Variants in VPS13D observed in about 807,000 individuals in gnomAD.
The protein encoded by VPS13D is vacuolar protein sorting 13 homolog D.
A neutral mutation model predicts 461.9 loss-of-function variants in VPS13D; 187 were observed. That is an observed-to-expected ratio of 0.40 (90% CI 0.36 to 0.46). The LOEUF (loss-of-function observed/expected upper bound fraction) is 0.46, where lower values mean the gene tolerates loss of function less well. Ranked by LOEUF, VPS13D falls within the 20% of genes least tolerant of loss-of-function variation. The pLI is 0.60. For synonymous variants in VPS13D, 1,951 were observed against 1,986.3 expected (o/e 0.98, Z 0.47); for missense variants, 4,711 against 5,364.9 (o/e 0.88, Z 3.81).
rs542947274 is a variant in VPS13D at position 12,232,891 on chromosome 1, G to A, written c.-76-1300G>A. On this transcript the variant is annotated intron_variant, in intron 1 of 69. Coordinates refer to ENST00000620676, the MANE Select transcript of VPS13D (RefSeq NM_015378.4). ...CTCTCCCATGTATATTATTTTATAA[G>A]TGATCCTCATGAACAAATTTGAGAC... Among the ~76,000 whole-genome samples, 6 of 151,978 alleles carry A rather than the reference G, an allele frequency of 3.9e-5. No individual in the cohort carries two copies. The East Asian group carries it at 9.7e-4, about 24-fold the overall frequency.
intron 6 of VPS13D, among the ~76,000 whole-genome samples, chr1:12,252,412 G>A (rs1338816718): frequency 6.6e-6 from 1 of 152,120 alleles, no homozygotes; most frequent in African/African-American, 2.4e-5. Flanking sequence ...CAGGCCTTTT[G>A]TACGGTCACC....
intron 3 of VPS13D, 111 bp downstream of exon 3, chr1:12,242,701 G>C: frequency 2.3e-6 from 2 of 882,186 alleles, no homozygotes; most frequent in Non-Finnish European, 3.6e-6. Flanking sequence ...GAAGGATATA[G>C]CAAATGTTAG....
At chr1:12,373,453 C>G (rs962701492) in intron 54 of VPS13D, among the ~76,000 whole-genome samples, 10 of 151,352 alleles carry the variant, frequency 6.6e-5, no homozygotes, top group Admixed American at 4.0e-4. Context: ...GTGGGGGGGC[C>G]TCTAAAGATA....
At chr1:12,370,973 T>A (rs1644107096) in intron 54 of VPS13D, among the ~76,000 whole-genome samples, 1 of 152,174 alleles carries the variant, frequency 6.6e-6, no homozygotes. Context: ...GGTTGAACCA[T>A]CTTTTGGAGT....
intron 17 of VPS13D, 90 bp from the exon 18 acceptor site, chr1:12,272,913 C>T: frequency 2.0e-6 from 3 of 1,530,822 alleles, no homozygotes; most frequent in Non-Finnish European, 2.6e-6. Flanking sequence ...ACTCCATAAT[C>T]CTAGCTGCAG....
chr1:12,355,807 GTT>G, intron 47 of VPS13D, 90 bp from the exon 48 acceptor site: 1 of 1,330,418 alleles, frequency 7.5e-7, no homozygotes, highest in Middle Eastern at 2.7e-4. Flanking sequence ...TTAGTTATTG[GTT>G]TTTCCAAAAG....
At chr1:12,294,429 A>G (rs186903202) in intron 24 of VPS13D, among the ~76,000 whole-genome samples, 1 of 152,352 alleles carries the variant, frequency 6.6e-6, no homozygotes, top group African/African-American at 2.4e-5. Context: ...TACTGAAAGG[A>G]GTATAGAATG....
At chr1:12,424,052 T>C (rs957669659) in intron 65 of VPS13D, among the ~76,000 whole-genome samples, 1 of 152,212 alleles carries the variant, frequency 6.6e-6, no homozygotes, top group Non-Finnish European at 1.5e-5. Context: ...CATAATAGCT[T>C]TTCCATGTAC....
At chr1:12,438,920 C>T (rs557488902) in intron 65 of VPS13D, among the ~76,000 whole-genome samples, 4 of 152,324 alleles carry the variant, frequency 2.6e-5, no homozygotes, top group Admixed American at 2.0e-4. Context: ...TGGCTCCTTT[C>T]GGTCATGCCG....
rs760602632 is a variant in VPS13D at position 12,416,776 on chromosome 1, C to T, written c.12282C>T (p.Val4094=). ...CTGGACTGATAAAATATGGAAATGT[C>T]GGGGGCCTCATCAGAAATGTTACAC... ...GVTGLIKYGN[V]GGLIRNVTHG... is the part of the protein sequence containing the mutation. Residue 4094 remains valine, a synonymous_variant, in exon 65 of 70, where the codon GTC becomes GTT. Transcript: ENST00000620676. The T allele has an allele frequency of 5.1e-5, 82 of 1,613,762 alleles. No homozygotes were observed. Among genetic ancestry groups the T allele is most frequent in the Non-Finnish European group, 6.4e-5 (76 of 1,179,950 alleles).
chr1:12,249,238 G>T lies in VPS13D; in HGVS notation c.463G>T (p.Val155Phe). The change falls in exon 6 of 70, where the codon GTC (valine) becomes TTC (phenylalanine). Residue 155 changes from valine to phenylalanine, a missense_variant. Physicochemically the swap from Val to Phe is conservative, Grantham distance 50. Around this residue, in one of 3 missense-constraint regions of VPS13D, gnomAD observed 4,411 missense variants for 4,937.8 expected, o/e 0.89. Coordinates refer to ENST00000620676, the MANE Select transcript of VPS13D (RefSeq NM_015378.4). ...CTCTTTGCAGTTAAAAATTCAAGAT[G>T]TCCATTTACGCTTTGAAGATGGTGT... ...VENIELKIQDVHLRFEDGVTN... is the reference protein window; with the variant it reads ...VENIELKIQDFHLRFEDGVTN... 1 of 1,612,108 alleles carries T rather than the reference G, an allele frequency of 6.2e-7. No homozygotes were observed. Among genetic ancestry groups the T allele is most frequent in the Non-Finnish European group, 8.5e-7 (1 of 1,179,400 alleles).
intron 63 of VPS13D, chr1:12,407,183 G>A (rs1644667113): frequency 6.6e-6 from 1 of 152,232 alleles, no homozygotes; most frequent in African/African-American, 2.4e-5. Context: ...GAGGGAAATA[G>A]GCAAATACCC....
intron 46 of VPS13D, among the ~76,000 whole-genome samples, chr1:12,351,457 A>G (rs1282424578): frequency 6.6e-6 from 1 of 151,416 alleles, no homozygotes; most frequent in Non-Finnish European, 1.5e-5. Context: ...TGCCCAGCTA[A>G]TTGTTGTATT....
rs372060589 is a variant in VPS13D, at chr1:12,274,218, T to G, written c.2236+1083T>G. Among the ~76,000 whole-genome samples the G allele has an allele frequency of 4.6e-5, 7 of 152,312 alleles. No homozygotes were observed. The East Asian group carries it at 1.2e-3, about 25-fold the overall frequency. ...ACTATGCCCAGCTAATTTTTGTATCTTTAGTAGGGATGGGGTTTCTCCACG... is the reference window on the plus strand; with the variant it reads ...ACTATGCCCAGCTAATTTTTGTATCGTTAGTAGGGATGGGGTTTCTCCACG... On this transcript the variant is annotated intron_variant, in intron 18 of 69. Transcript: ENST00000620676.
chr1:12,242,311 A>G (rs757821357), intron 2 of VPS13D, among the ~76,000 whole-genome samples: 13 of 152,258 alleles, frequency 8.5e-5, no homozygotes, highest in Non-Finnish European at 1.8e-4. Context: ...TAACCTACAC[A>G]TGATATAGCC....
chr1:12,370,879 A>G (rs1031682911), intron 54 of VPS13D, among the ~76,000 whole-genome samples: 1 of 152,190 alleles, frequency 6.6e-6, no homozygotes, highest in Non-Finnish European at 1.5e-5. Context: ...TTGAACCTAT[A>G]TGGAAGACAT....
intron 50 of VPS13D, among the ~76,000 whole-genome samples, chr1:12,361,496 C>T (rs1203445275): frequency 2.7e-5 from 4 of 149,166 alleles, no homozygotes; most frequent in Non-Finnish European, 3.0e-5. Context: ...CCCGGGTCCA[C>T]GCCATTCTCC....
At chr1:12,376,379 T>C (rs1378609521) in intron 55 of VPS13D, among the ~76,000 whole-genome samples, 1 of 152,260 alleles carries the variant, frequency 6.6e-6, no homozygotes, top group South Asian at 2.1e-4. Context: ...CTCCCAGGTT[T>C]GCTGGAAGGA....
intron 37 of VPS13D, among the ~76,000 whole-genome samples, chr1:12,332,867 A>G (rs750129217): frequency 2.6e-5 from 4 of 152,210 alleles, no homozygotes; most frequent in Non-Finnish European, 4.4e-5. Flanking sequence ...GCTATTTAAG[A>G]CACTTTATTA....
Sources: allele counts gnomAD v4.1 joint callset (sites outside exome capture counted in the v4.1 genomes callset), GRCh38; gene constraint gnomAD v4.1.1; regional missense constraint gnomAD v4.1.1; transcripts MANE v1.5; gene names NCBI Gene and HGNC (gene_info 2026-07-23, HGNC 2026-07-21).